CPAMD8: variants seen among roughly 807,000 people sequenced by gnomAD.
The protein encoded by CPAMD8 is C3 and PZP like alpha-2-macroglobulin domain containing 8.
A neutral mutation model predicts 224.7 loss-of-function variants in CPAMD8; 146 were observed. The ratio of observed to expected loss-of-function variants is 0.65; its 90% CI spans 0.57 to 0.75. The LOEUF (loss-of-function observed/expected upper bound fraction) is 0.75, where lower values mean the gene tolerates loss of function less well. Among genes scored for constraint, CPAMD8 ranks in the 30% least tolerant of loss-of-function variants. The probability of loss-of-function intolerance (pLI) is 0.00; values close to 1 mark genes in which losing one functional copy is unlikely to be tolerated. For synonymous variants in CPAMD8, 966 were observed against 1,044.6 expected, an observed-to-expected ratio of 0.92 and a Z score of 1.45; for missense variants, 2,301 against 2,537.5, an observed-to-expected ratio of 0.91 and a Z score of 2.00.
intron 22 of CPAMD8, among the ~76,000 whole-genome samples, chr19:16,938,952 G>T (rs1210065823): frequency 6.6e-6 from 1 of 152,032 alleles, no homozygotes; most frequent in Non-Finnish European, 1.5e-5. Context: ...TTCTTCTATG[G>T]ATGACCCCAA....
chr19:17,009,773 C>CA (rs561836442), intron 5 of CPAMD8, among the ~76,000 whole-genome samples: 5,326 of 126,510 alleles, frequency 0.042, 285 homozygotes, highest in African/African-American at 0.13. Context: ...GACTCCGTCT[C>CA]AAAAAAAAAA....
intron 12 of CPAMD8, 102 bp from the exon 13 acceptor site, chr19:16,989,873 T>C: frequency 1.8e-6 from 2 of 1,097,088 alleles, no homozygotes; most frequent in Non-Finnish European, 2.7e-6. Context: ...CACCCTCTCA[T>C]GCTCCAATAT....
chr19:17,013,161 A>C (rs1290902051), intron 3 of CPAMD8, among the ~76,000 whole-genome samples: 2 of 151,892 alleles, frequency 1.3e-5, no homozygotes, highest in Non-Finnish European at 2.9e-5. Flanking sequence ...AACCTGGGTG[A>C]CAAGAGTGAA....
intron 27 of CPAMD8, among the ~76,000 whole-genome samples, chr19:16,915,321 A>G (rs1434140104): frequency 6.6e-6 from 1 of 151,966 alleles, no homozygotes. Flanking sequence ...ATGTGATGCA[A>G]TGCTGGGAGC....
intron 22 of CPAMD8, 44 bp downstream of exon 22, chr19:16,945,505 A>G (rs1464855966): frequency 3.8e-6 from 6 of 1,598,488 alleles, no homozygotes. Flanking sequence ...TGGCTGAAGG[A>G]ATGAGGCCCT....
chr19:16,928,598 G>A (rs1346719984), intron 24 of CPAMD8, among the ~76,000 whole-genome samples: 5 of 151,974 alleles, frequency 3.3e-5, no homozygotes, highest in Non-Finnish European at 7.4e-5. Flanking sequence ...AGCAGTATTA[G>A]CTTCCTGTGT....
chr19:17,001,774 T>A (rs935572251), intron 9 of CPAMD8, among the ~76,000 whole-genome samples: 1 of 138,854 alleles, frequency 7.2e-6, no homozygotes, highest in Non-Finnish European at 1.6e-5. Flanking sequence ...GAAGCCCGGT[T>A]GTTGGGGGAG....
chr19:16,901,896 G>C (rs574194236), intron 35 of CPAMD8, among the ~76,000 whole-genome samples: 2 of 152,112 alleles, frequency 1.3e-5, no homozygotes, highest in Non-Finnish European at 2.9e-5. Flanking sequence ...TTCTGAGATG[G>C]GGAACTTGGA....
At chr19:17,017,622 C>G (rs541004303) in intron 3 of CPAMD8, among the ~76,000 whole-genome samples, 1 of 152,302 alleles carries the variant, frequency 6.6e-6, no homozygotes, top group Non-Finnish European at 1.5e-5. Context: ...ACCGCCCAGC[C>G]CCAACCCAGC....
intron 18 of CPAMD8, among the ~76,000 whole-genome samples, chr19:16,967,891 ATG>A (rs72244869): frequency 0.21 from 5,150 of 24,762 alleles, 464 homozygotes; most frequent in South Asian, 0.29. Flanking sequence ...ATACACACAC[ATG>A]TGTGTGTATA....
At chr19:16,932,956 T>C (rs955603962) in intron 23 of CPAMD8, among the ~76,000 whole-genome samples, 4 of 152,218 alleles carry the variant, frequency 2.6e-5, no homozygotes, top group African/African-American at 7.2e-5. Context: ...TTTCCCTTTT[T>C]TCCAGTGTGG....
chr19:16,944,164 C>A (rs2053995551), intron 22 of CPAMD8, among the ~76,000 whole-genome samples: 1 of 152,202 alleles, frequency 6.6e-6, no homozygotes, highest in South Asian at 2.1e-4. Flanking sequence ...CTAAGTCCAT[C>A]TCAGCTGGTG....
rs1367788696 is a variant in CPAMD8 at position 16,982,092 on chromosome 19, C to CA, written c.1396-1407dup. Among the ~76,000 whole-genome samples the CA allele has an allele frequency of 2.6e-4, 40 of 151,826 alleles. No homozygotes were observed. The Middle Eastern group carries it at 0.014, about 52-fold the overall frequency. On this transcript the variant is annotated intron_variant, in intron 13 of 41. Transcript: ENST00000443236. The stretch of plus-strand genomic sequence containing the variant: ...GCAACAAAGTGAGATCCCGTCTCTA[C>CA]AAAAAATCAAAAAACTTTGGCCAGG...
Position 16,989,784 on chromosome 19 carries a change from G to A in CPAMD8, c.1267-13C>T. On this transcript the variant is annotated splice_polypyrimidine_tract_variant and intron_variant, in intron 12 of 41. Coordinates refer to ENST00000443236, the MANE Select transcript of CPAMD8 (RefSeq NM_015692.5). Reference sequence around the variant, plus strand: ...CCATCACCTTGGTCTGAGAAGAGAAGATGCTTAGATCAACACCCGAGTGCC... The same window carrying A: ...CCATCACCTTGGTCTGAGAAGAGAAAATGCTTAGATCAACACCCGAGTGCC... The A allele has an allele frequency of 1.2e-6, 2 of 1,613,436 alleles. No homozygotes were observed. The highest frequency in any genetic ancestry group is 1.7e-6 in the Non-Finnish European group (2 of 1,179,598).
In CPAMD8 at chr19:16,993,567, T is replaced by A. The variant is rs2056030167; in HGVS notation, c.1115A>T (p.Asp372Val). Residue 372 changes from aspartate to valine, a missense_variant, in exon 12 of 42, where the codon GAT (aspartate) becomes GTT (valine). Physicochemically the swap from Asp to Val is radical, Grantham distance 152. This residue lies in a region of CPAMD8 where 301 missense variants were observed against 406.6 expected (regional missense o/e 0.74). Coordinates refer to ENST00000443236, the MANE Select transcript of CPAMD8 (RefSeq NM_015692.5). ...YVGKVELSYP[D>V]GSPAEGVTVQ... is the part of the protein sequence containing the mutation. ...CGTCACCCCCTCAGCTGGGCTGCCA[T>A]CGGGGTAGGATAGCTCCACCTAGAA... The A allele has an allele frequency of 6.2e-7, 1 of 1,614,106 alleles. No individual in the cohort carries two copies. The highest frequency in any genetic ancestry group is 8.5e-7 in the Non-Finnish European group (1 of 1,180,000).
chr19:17,009,102 A>T (rs1201953842), intron 6 of CPAMD8: 2 of 780,272 alleles, frequency 2.6e-6, no homozygotes, highest in Non-Finnish European at 4.1e-6. Context: ...ATTTCAAAAA[A>T]AAAAAGGAAA....
chr19:16,893,463 G>A (rs2051838933), intron 41 of CPAMD8, 124 bp from the exon 42 acceptor site: 3 of 641,142 alleles, frequency 4.7e-6, no homozygotes, highest in Non-Finnish European at 8.0e-6. Flanking sequence ...CACCGGCCAG[G>A]GCAGCCTCAG....
Position 17,022,129 on chromosome 19 carries a change from T to C in CPAMD8, c.145A>G (p.Ile49Val). The C allele has an allele frequency of 1.2e-6, 2 of 1,608,810 alleles. No homozygotes were observed. The highest frequency in any genetic ancestry group is 2.7e-5 in the African/African-American group (2 of 74,852). ...GGAGAGTTAAAGATGGTCACGCTGA[T>C]GACTTCCTCCACGCCCGCGCGAAAA... ...SVFRAGVEEV[I>V]SVTIFNSPRE... Residue 49 changes from isoleucine to valine, a missense_variant, in exon 2 of 42, where the codon ATC (isoleucine) becomes GTC (valine). Ile to Val is a conservative substitution (Grantham distance 29). This residue lies in a region of CPAMD8 where 283 missense variants were observed against 340.6 expected (regional missense o/e 0.83). Transcript: ENST00000443236.
intron 12 of CPAMD8, among the ~76,000 whole-genome samples, chr19:16,990,537 C>T (rs989588625): frequency 6.6e-6 from 1 of 152,038 alleles, no homozygotes; most frequent in African/African-American, 2.4e-5. Context: ...CCAGCCTGGA[C>T]AACAGAGCTA....
Sources: gnomAD v4.1 joint callset for allele counts (sites outside exome capture counted in the v4.1 genomes callset) on GRCh38, gnomAD v4.1.1 for gene constraint, gnomAD v4.1.1 regional missense constraint, MANE v1.5 for transcripts, NCBI Gene and HGNC (gene_info 2026-07-23, HGNC 2026-07-21) for gene names.